The following MAML3 variants were observed in gnomAD, a reference collection of about 807,000 sequenced individuals.
MAML3 encodes the protein mastermind-like protein 3.
A neutral mutation model predicts 101.9 loss-of-function variants in MAML3; 27 were observed. The ratio of observed to expected loss-of-function variants is 0.27; its 90% CI spans 0.20 to 0.37. The LOEUF is 0.37. Ranked by LOEUF, MAML3 falls within the 10% of genes least tolerant of loss-of-function variation. MAML3 has a pLI of 1.00. For missense variants in MAML3, 1,316 were observed against 1,444.9 expected (o/e 0.91, Z 1.45); for synonymous variants, 501 against 555.9 (o/e 0.90, Z 1.39).
At chr4:139,893,284 T>C (rs1320101072) in intron 1 of MAML3, among the ~76,000 whole-genome samples, 1 of 152,186 alleles carries the variant, frequency 6.6e-6, no homozygotes, top group Non-Finnish European at 1.5e-5. Flanking sequence ...TCACTTACTC[T>C]AGGAAATCTT....
At chr4:140,043,149 T>C (rs1455559252) in intron 1 of MAML3, among the ~76,000 whole-genome samples, 1 of 152,216 alleles carries the variant, frequency 6.6e-6, no homozygotes, top group Non-Finnish European at 1.5e-5. Flanking sequence ...ATGACCTGCA[T>C]ATTTTATGAA....
intron 1 of MAML3, among the ~76,000 whole-genome samples, chr4:139,893,965 A>G (rs1578651671): frequency 6.6e-6 from 1 of 152,036 alleles, no homozygotes; most frequent in East Asian, 1.9e-4. Context: ...ACAGAATGAC[A>G]GGGTAGGAGA....
intron 2 of MAML3, among the ~76,000 whole-genome samples, chr4:139,857,445 A>T (rs1731681680): frequency 6.6e-6 from 1 of 152,130 alleles, no homozygotes; most frequent in African/African-American, 2.4e-5. Context: ...ATTGGTGTAT[A>T]ATAAACCAAC....
chr4:139,871,081 CATTTTTTCATGGTATAT>C (rs1386915935), intron 2 of MAML3, among the ~76,000 whole-genome samples: 40 of 152,052 alleles, frequency 2.6e-4, no homozygotes, highest in African/African-American at 8.9e-4. Flanking sequence ...GTGTGCTTAT[CATTTTTTCATGGTATAT>C]CATTTTTTCA....
chr4:139,807,285 T>TGGTG (rs1560800200), intron 2 of MAML3, among the ~76,000 whole-genome samples: 1 of 150,856 alleles, frequency 6.6e-6, no homozygotes, highest in Non-Finnish European at 1.5e-5. Flanking sequence ...CGCTATTATT[T>TGGTG]TGTGTGTGTG....
At chr4:140,133,326 C>T (rs72935797) in intron 1 of MAML3, among the ~76,000 whole-genome samples, 3 of 152,144 alleles carry the variant, frequency 2.0e-5, no homozygotes, top group Admixed American at 2.0e-4. Context: ...TTATGAACAA[C>T]CAGCCACTAA....
At chr4:139,805,936 GGGAAA>G (rs1730693032) in intron 2 of MAML3, among the ~76,000 whole-genome samples, 1 of 152,034 alleles carries the variant, frequency 6.6e-6, no homozygotes, top group Non-Finnish European at 1.5e-5. Context: ...TAAAAATATG[GGGAAA>G]GGAAAGATTA....
chr4:140,021,619 A>G (rs1726735251), intron 1 of MAML3, among the ~76,000 whole-genome samples: 1 of 152,136 alleles, frequency 6.6e-6, no homozygotes, highest in Admixed American at 6.5e-5. Context: ...ATGACCCAAG[A>G]ATTTCTCTTC....
rs187462967 is a variant in MAML3 at position 139,936,232 on chromosome 4, T to C, written c.469-45265A>G. Among the ~76,000 whole-genome samples, 173 of 152,316 alleles carry C rather than the reference T, an allele frequency of 1.1e-3. 1 individual carries two copies. Among genetic ancestry groups the C allele is most frequent in the African/African-American group, 3.9e-3 (164 of 41,564 alleles). ...AGAGGTTGAATAATATTCCATTGTT[T>C]ATATGTGTGTATAAACACACAGCCA... On this transcript the variant is annotated intron_variant, in intron 1 of 4. Coordinates refer to ENST00000509479, the MANE Select transcript of MAML3 (RefSeq NM_018717.5).
chr4:140,124,695 C>T (rs1206820246), intron 1 of MAML3, among the ~76,000 whole-genome samples: 2 of 152,298 alleles, frequency 1.3e-5, no homozygotes, highest in East Asian at 3.9e-4. Flanking sequence ...GTTTACCAGA[C>T]CTATTTGCAA....
intron 1 of MAML3, among the ~76,000 whole-genome samples, chr4:140,095,034 G>C (rs537587685): frequency 6.6e-6 from 1 of 152,308 alleles, no homozygotes; most frequent in African/African-American, 2.4e-5. Flanking sequence ...CTGCAGCAGA[G>C]GTGCCTCTCC....
At chr4:139,757,642 CAAAAAAAAA>C (rs10583574) in intron 2 of MAML3, among the ~76,000 whole-genome samples, 2 of 104,608 alleles carry the variant, frequency 1.9e-5, no homozygotes, top group African/African-American at 3.8e-5. Context: ...GGCTCCATTT[CAAAAAAAAA>C]AAAAAAAAAA....
intron 1 of MAML3, among the ~76,000 whole-genome samples, chr4:139,973,599 C>A (rs549636636): frequency 6.6e-6 from 1 of 152,140 alleles, no homozygotes; most frequent in African/African-American, 2.4e-5. Flanking sequence ...TCAAGTCAGG[C>A]CCCAGTCAGG....
At chr4:139,778,575 T>G (rs1241294238) in intron 2 of MAML3, among the ~76,000 whole-genome samples, 2 of 152,224 alleles carry the variant, frequency 1.3e-5, no homozygotes, top group East Asian at 3.8e-4. Context: ...TTTTCCTTCT[T>G]CTTCATAAAG....
At chr4:139,955,409 C>T (rs1034032652) in intron 1 of MAML3, among the ~76,000 whole-genome samples, 1 of 151,778 alleles carries the variant, frequency 6.6e-6, no homozygotes, top group African/African-American at 2.4e-5. Context: ...CCTAAGTTTT[C>T]CAGTCATCTT....
At chr4:139,864,021 T>C (rs1731843656) in intron 2 of MAML3, among the ~76,000 whole-genome samples, 1 of 152,176 alleles carries the variant, frequency 6.6e-6, no homozygotes, top group Non-Finnish European at 1.5e-5. Context: ...ATGTGACAAA[T>C]ACAGGACCAA....
intron 1 of MAML3, among the ~76,000 whole-genome samples, chr4:140,102,502 T>C (rs1181274647): frequency 2.0e-5 from 3 of 152,200 alleles, no homozygotes; most frequent in African/African-American, 7.2e-5. Context: ...TGTGGCCTTT[T>C]CTCTGTGCAT....
At chr4:140,036,213 A>G (rs1310527235) in intron 1 of MAML3, among the ~76,000 whole-genome samples, 2 of 152,208 alleles carry the variant, frequency 1.3e-5, no homozygotes, top group African/African-American at 4.8e-5. Context: ...CTGACGCAGT[A>G]TGTATTAAAA....
intron 1 of MAML3, among the ~76,000 whole-genome samples, chr4:139,976,229 A>C (rs772328505): frequency 1.3e-5 from 2 of 152,154 alleles, no homozygotes; most frequent in Non-Finnish European, 2.9e-5. Flanking sequence ...GGAAAGACAG[A>C]TCCTGTTCTT....
Sources: gnomAD v4.1 joint callset for allele counts (sites outside exome capture counted in the v4.1 genomes callset) on GRCh38, gnomAD v4.1.1 for gene constraint, MANE v1.5 for transcripts, NCBI Gene and HGNC (gene_info 2026-07-23, HGNC 2026-07-21) for gene names.